The following TNNI3K variants were observed in gnomAD, a reference collection of about 807,000 sequenced individuals.
TNNI3K encodes the protein TNNI3 interacting kinase.
Under a neutral mutation model 114.5 loss-of-function variants are expected in TNNI3K, and 140 were observed. The observed-to-expected ratio is 1.22, with a 90% CI of 1.07 to 1.41. TNNI3K has a LOEUF of 1.41. Among genes scored for constraint, TNNI3K ranks in the 40% most tolerant of loss-of-function variants. The pLI, the probability that TNNI3K is intolerant of heterozygous loss-of-function variation, is 0.00. For synonymous variants in TNNI3K, 347 were observed against 347.5 expected (o/e 1.00, Z 0.02); for missense variants, 1,125 against 1,007.6 (o/e 1.12, Z -1.58).
chr1:74,341,959 G>A (rs1660767429), intron 7 of TNNI3K: 1 of 152,178 alleles, frequency 6.6e-6, no homozygotes, highest in Admixed American at 6.5e-5. Context: ...GATTGGAGGA[G>A]TCTACAGATA....
chr1:74,280,472 C>A (rs1403288829), intron 5 of TNNI3K, among the ~76,000 whole-genome samples: 1 of 152,136 alleles, frequency 6.6e-6, no homozygotes. Flanking sequence ...TCCCCACCTC[C>A]CCACTAGTGG....
At chr1:74,360,554 T>A (rs1450802057) in intron 11 of TNNI3K, among the ~76,000 whole-genome samples, 1 of 152,122 alleles carries the variant, frequency 6.6e-6, no homozygotes, top group East Asian at 1.9e-4. Context: ...ATAATAGGGA[T>A]AGTATAAAAC....
In TNNI3K at chr1:74,414,913, C is replaced by A. The variant is rs530754573; in HGVS notation, c.1773-21167C>A. 3.9e-5 allele frequency among the ~76,000 whole-genome samples: 6 copies of A among 152,234 alleles called. No individual in the cohort carries two copies. The South Asian group carries it at 1.0e-3, about 26-fold the overall frequency. ...CTAACCTCAAAAAAGTAACAAAAGT[C>A]ATTAAAAAAATAAAAGTCAGATTAT... On this transcript the variant is annotated intron_variant, in intron 17 of 24. Transcript: ENST00000326637.
intron 11 of TNNI3K, among the ~76,000 whole-genome samples, chr1:74,354,490 A>G (rs1190777734): frequency 1.3e-5 from 2 of 151,696 alleles, no homozygotes; most frequent in Admixed American, 6.6e-5. Flanking sequence ...TTTATAAGAA[A>G]GAAGTACAAG....
chr1:74,236,859 A>G (rs1653888035), intron 2 of TNNI3K, among the ~76,000 whole-genome samples: 1 of 151,866 alleles, frequency 6.6e-6, no homozygotes, highest in Non-Finnish European at 1.5e-5. Context: ...GTTAAATTGA[A>G]TCTGACATTG....
At chr1:74,531,988 G>A (rs1326596595) in intron 23 of TNNI3K, among the ~76,000 whole-genome samples, 2 of 152,152 alleles carry the variant, frequency 1.3e-5, no homozygotes, top group Non-Finnish European at 2.9e-5. Flanking sequence ...ATTGTTAGCT[G>A]CATAAAAACT....
chr1:74,399,685 T>G (rs1664265941), intron 17 of TNNI3K, among the ~76,000 whole-genome samples: 1 of 152,132 alleles, frequency 6.6e-6, no homozygotes, highest in African/African-American at 2.4e-5. Context: ...TAAGGAACCC[T>G]TAAAGCTAAC....
At chr1:74,314,045 T>TTATATATATATA (rs201922658) in intron 5 of TNNI3K, among the ~76,000 whole-genome samples, 23 of 6,298 alleles carry the variant, frequency 3.7e-3, no homozygotes, top group Admixed American at 9.9e-3. Context: ...AGAAAGTTCA[T>TTATATATATATA]TATATATATA....
chr1:74,539,929 T>C (rs1035649644), intron 23 of TNNI3K, among the ~76,000 whole-genome samples: 2 of 152,098 alleles, frequency 1.3e-5, no homozygotes, highest in African/African-American at 2.4e-5. Context: ...AAGCACAAAC[T>C]GGAAATTATT....
At chr1:74,447,016 C>T (rs1187635606) in intron 20 of TNNI3K, among the ~76,000 whole-genome samples, 24 of 124,716 alleles carry the variant, frequency 1.9e-4, no homozygotes, top group African/African-American at 4.8e-4. Context: ...ATTGACTTGG[C>T]GATGCGGGCT....
intron 2 of TNNI3K, among the ~76,000 whole-genome samples, chr1:74,237,395 AAATT>A (rs1653923012): frequency 6.6e-6 from 1 of 152,044 alleles, no homozygotes; most frequent in Admixed American, 6.6e-5. Context: ...ATGAATATAG[AAATT>A]AATCATAAAC....
At chr1:74,420,242 A>G (rs1665331079) in intron 17 of TNNI3K, among the ~76,000 whole-genome samples, 1 of 152,182 alleles carries the variant, frequency 6.6e-6, no homozygotes, top group African/African-American at 2.4e-5. Context: ...CAAATAAATC[A>G]TTTGCTATGT....
chr1:74,478,164 A>G (rs1668298465), intron 21 of TNNI3K, among the ~76,000 whole-genome samples: 1 of 152,208 alleles, frequency 6.6e-6, no homozygotes, highest in Non-Finnish European at 1.5e-5. Context: ...TGTGCTTCAG[A>G]AAGAGTGGAA....
rs79427830 is a variant in TNNI3K at position 74,525,184 on chromosome 1, G to T, written c.2352-15050G>T. Among the ~76,000 whole-genome samples, 252 of 152,218 alleles carry T rather than the reference G, an allele frequency of 1.7e-3. 6 individuals are homozygous for T. In the East Asian group the frequency reaches 0.042, roughly 25 times the overall value. ...TATTCAGTGGAAGAGGGGAAGGAAA[G>T]AATGCAGCAGGCATAAATGAGAATA... On this transcript the variant is annotated intron_variant, in intron 23 of 24. Transcript: ENST00000326637.
intron 22 of TNNI3K, among the ~76,000 whole-genome samples, chr1:74,491,475 C>A (rs929651725): frequency 6.6e-6 from 1 of 151,900 alleles, no homozygotes; most frequent in Non-Finnish European, 1.5e-5. Context: ...CTCTTGACCT[C>A]ATGATCCGCT....
chr1:74,488,219 G>T (rs1668867145), intron 21 of TNNI3K, among the ~76,000 whole-genome samples: 3 of 152,170 alleles, frequency 2.0e-5, no homozygotes, highest in Admixed American at 2.0e-4. Flanking sequence ...GGAAGTAGCA[G>T]TGACAGCAAG....
At chr1:74,515,230 G>T (rs1444947457) in intron 23 of TNNI3K, among the ~76,000 whole-genome samples, 1 of 152,126 alleles carries the variant, frequency 6.6e-6, no homozygotes, top group Non-Finnish European at 1.5e-5. Flanking sequence ...GAATACAGAG[G>T]ATGACATAAC....
At chr1:74,433,245 CA>C (rs2100657357) in intron 17 of TNNI3K, among the ~76,000 whole-genome samples, 1 of 152,126 alleles carries the variant, frequency 6.6e-6, no homozygotes. Flanking sequence ...CTGGTATCCT[CA>C]AACCTGACAT....
chr1:74,336,476 A>G (rs1020390437), intron 7 of TNNI3K, among the ~76,000 whole-genome samples: 1 of 151,220 alleles, frequency 6.6e-6, no homozygotes, highest in African/African-American at 2.4e-5. Flanking sequence ...CATTAAGTAT[A>G]TCTCCCGATG....
Sources: gnomAD v4.1 joint callset for allele counts (sites outside exome capture counted in the v4.1 genomes callset) on GRCh38, gnomAD v4.1.1 for gene constraint, MANE v1.5 for transcripts, NCBI Gene and HGNC (gene_info 2026-07-23, HGNC 2026-07-21) for gene names.